CLSTN1: variants seen among roughly 807,000 people sequenced by gnomAD.
CLSTN1 encodes the protein calsyntenin 1, also known as calsyntenin-1.
In CLSTN1, 28 loss-of-function variants were observed where a neutral mutation model predicts 108.3. The observed-to-expected ratio is 0.26, with a 90% CI of 0.19 to 0.35. CLSTN1 has a LOEUF of 0.35. CLSTN1 is among the 10% of genes least tolerant of loss of function. The pLI is 1.00. For synonymous variants in CLSTN1, 524 were observed against 534.9 expected (o/e 0.98, Z 0.28); for missense variants, 1,157 against 1,302.6 (o/e 0.89, Z 1.72).
chr1:9,750,220 T>C (rs1478054634), intron 5 of CLSTN1: 1 of 208,554 alleles, frequency 4.8e-6, no homozygotes, highest in Middle Eastern at 1.9e-3. Context: ...GATTAAAAAA[T>C]AATAATAATT....
Position 9,749,384 on chromosome 1 carries a change from A to C in CLSTN1, c.985+77T>G, listed in dbSNP as rs905008267. On this transcript the variant is annotated intron_variant, in intron 7 of 18. Coordinates refer to ENST00000377298, the MANE Select transcript of CLSTN1 (RefSeq NM_001009566.3). ...GTTTATAATTATGAACACAACACACACAAGTATTTCCAGTTGTAAAGGTCC... is the reference window on the plus strand; with the variant it reads ...GTTTATAATTATGAACACAACACACCCAAGTATTTCCAGTTGTAAAGGTCC... 22 of 1,288,784 alleles carry C rather than the reference A, an allele frequency of 1.7e-5. No homozygotes were observed. In the Admixed American group the frequency reaches 4.2e-4, roughly 25 times the overall value. The allele number at this position is 1,288,784 out of a possible 1,614,324, so 79.8% of individuals were successfully genotyped here.
intron 1 of CLSTN1, among the ~76,000 whole-genome samples, chr1:9,803,986 G>C (rs1654395418): frequency 6.6e-6 from 1 of 152,032 alleles, no homozygotes; most frequent in African/African-American, 2.4e-5. Context: ...ATGGTGAAAG[G>C]ATACACTACC....
At chr1:9,733,296 C>T (rs1163789431) in intron 16 of CLSTN1, 105 bp downstream of exon 16, 2 of 1,391,472 alleles carry the variant, frequency 1.4e-6, no homozygotes, top group African/African-American at 2.8e-5. Context: ...GTATAGCTGC[C>T]ATCATGAATG....
At chr1:9,777,834 G>A (rs1653031476) in intron 1 of CLSTN1, among the ~76,000 whole-genome samples, 1 of 152,086 alleles carries the variant, frequency 6.6e-6, no homozygotes, top group Non-Finnish European at 1.5e-5. Flanking sequence ...GGCAAATAAT[G>A]TCTTAATATT....
At chr1:9,808,823 T>C (rs1654614150) in intron 1 of CLSTN1, among the ~76,000 whole-genome samples, 1 of 152,058 alleles carries the variant, frequency 6.6e-6, no homozygotes, top group African/African-American at 2.4e-5. Flanking sequence ...TGCCCCAGCT[T>C]ACCTGTCTGT....
chr1:9,781,694 C>T (rs1216389081), intron 1 of CLSTN1, among the ~76,000 whole-genome samples: 1 of 152,124 alleles, frequency 6.6e-6, no homozygotes, highest in African/African-American at 2.4e-5. Flanking sequence ...CCGCCCAACT[C>T]GGCCTCCCAA....
At chr1:9,750,002 T>C (rs1178772665) in intron 5 of CLSTN1, 89 bp from the exon 6 acceptor site, 2 of 1,072,046 alleles carry the variant, frequency 1.9e-6, no homozygotes, top group East Asian at 4.8e-5. Flanking sequence ...ATGCATAGGC[T>C]TTAAGCCCTG....
In CLSTN1 at chr1:9,800,788, T is replaced by A. The variant is rs542635684; in HGVS notation, c.91+22855A>T. Among the ~76,000 whole-genome samples the A allele has an allele frequency of 6.7e-5, 10 of 148,542 alleles. No individual in the cohort carries two copies. The East Asian group carries it at 2.0e-3, about 29-fold the overall frequency. ...ATAAGAAAAAAAAATACAAAAAAAATTGGCCAGGAGTGTGGTGGCATGCTC... is the reference window on the plus strand; with the variant it reads ...ATAAGAAAAAAAAATACAAAAAAAAATGGCCAGGAGTGTGGTGGCATGCTC... On this transcript the variant is annotated intron_variant, in intron 1 of 18. Transcript: ENST00000377298.
rs1429082484 is a variant in CLSTN1, at chr1:9,798,064, A to C, written c.92-24670T>G. On this transcript the variant is annotated intron_variant, in intron 1 of 18. Transcript: ENST00000377298. ...AGCCGAGATGGTGCCACTGCACTCCAGCCTGGGCAACAGAGGGAGCGAGAC... is the reference window on the plus strand; with the variant it reads ...AGCCGAGATGGTGCCACTGCACTCCCGCCTGGGCAACAGAGGGAGCGAGAC... Among the ~76,000 whole-genome samples the C allele has an allele frequency of 4.0e-5, 6 of 149,124 alleles. No homozygotes were observed. In the Admixed American group the frequency reaches 4.0e-4, roughly 10 times the overall value.
At chr1:9,792,026 G>C (rs889676121) in intron 1 of CLSTN1, among the ~76,000 whole-genome samples, 5 of 150,686 alleles carry the variant, frequency 3.3e-5, no homozygotes, top group African/African-American at 7.3e-5. Context: ...GCGGGTGCCT[G>C]TAATCCCAGC....
chr1:9,765,064 A>AT (rs200576354), intron 2 of CLSTN1, among the ~76,000 whole-genome samples: 43 of 150,742 alleles, frequency 2.9e-4, no homozygotes, highest in African/African-American at 7.3e-4. Flanking sequence ...GTGAAATGTC[A>AT]TTTTTTTTTC....
rs764413464 is a variant in CLSTN1 at position 9,749,898 on chromosome 1, G to A, written c.665C>T (p.Thr222Ile). 3 of 1,613,818 alleles carry A rather than the reference G, an allele frequency of 1.9e-6. No homozygotes were observed. The highest frequency in any genetic ancestry group is 1.3e-5 in the African/African-American group (1 of 75,028). The change falls in exon 6 of 19, where the codon ACA (threonine) becomes ATA (isoleucine). Residue 222 changes from threonine to isoleucine, a missense_variant. Coordinates refer to ENST00000377298, the MANE Select transcript of CLSTN1 (RefSeq NM_001009566.3). ...TVDKDGYIKN[T>I]EKLNYGKEHQ... is the part of the protein sequence containing the mutation. ...TTCTTTCCCGTAGTTTAATTTCTCTGTGTTTTTTATATAACCTTACAGAGG... is the reference window on the plus strand; with the variant it reads ...TTCTTTCCCGTAGTTTAATTTCTCTATGTTTTTTATATAACCTTACAGAGG...
At position 9,751,515 on chromosome 1, in the gene CLSTN1, C is replaced by T. The variant is rs781009622; in HGVS notation, c.607G>A (p.Glu203Lys). ...AAGGGCACGTCTGGAGTGATGATTT[C>T]GTAGCTGCAAATCTGGCTGAACTGA... ...SPQFSQICSYEIITPDVPFTV... is the reference protein window; with the variant it reads ...SPQFSQICSYKIITPDVPFTV... Residue 203 changes from glutamate (E) to lysine (K), a missense_variant, in exon 5 of 19, where the codon GAA (glutamate) becomes AAA (lysine). Glu to Lys is a moderately conservative substitution (Grantham distance 56). Coordinates refer to ENST00000377298, the MANE Select transcript of CLSTN1 (RefSeq NM_001009566.3). 3.7e-6 allele frequency: 6 copies of T among 1,614,008 alleles called. No homozygotes were observed. The highest frequency in any genetic ancestry group is 1.1e-5 in the South Asian group (1 of 91,076).
chr1:9,785,863 G>T (rs1199783734), intron 1 of CLSTN1, among the ~76,000 whole-genome samples: 1 of 151,308 alleles, frequency 6.6e-6, no homozygotes, highest in Non-Finnish European at 1.5e-5. Context: ...CACCCAGCTT[G>T]AAGTTAATTT....
intron 1 of CLSTN1, among the ~76,000 whole-genome samples, chr1:9,783,890 G>A (rs1653362281): frequency 6.6e-6 from 1 of 152,138 alleles, no homozygotes; most frequent in Non-Finnish European, 1.5e-5. Flanking sequence ...CTACTTGGGA[G>A]GCTGAGACAG....
chr1:9,749,980 C>A, intron 5 of CLSTN1, 67 bp from the exon 6 acceptor site: 1 of 1,380,768 alleles, frequency 7.2e-7, no homozygotes, highest in African/African-American at 1.4e-5. Flanking sequence ...TTGTCCTAGG[C>A]GGAAAGACAA....
intron 2 of CLSTN1, among the ~76,000 whole-genome samples, chr1:9,757,236 A>G (rs1651857865): frequency 6.6e-6 from 1 of 151,094 alleles, no homozygotes; most frequent in Admixed American, 6.6e-5. Context: ...AAAAATTTGG[A>G]GCAAAAGGTT....
intron 2 of CLSTN1, among the ~76,000 whole-genome samples, chr1:9,757,398 C>T (rs1427911002): frequency 4.6e-5 from 7 of 151,446 alleles, no homozygotes; most frequent in South Asian, 4.2e-4. Flanking sequence ...CCCGCCACCA[C>T]GCCCAGTTAA....
chr1:9,777,972 G>T (rs1653038720), intron 1 of CLSTN1, among the ~76,000 whole-genome samples: 1 of 152,050 alleles, frequency 6.6e-6, no homozygotes, highest in Admixed American at 6.6e-5. Context: ...CAACACCTGG[G>T]GAGAAGACGG....
Sources: allele counts gnomAD v4.1 joint callset (sites outside exome capture counted in the v4.1 genomes callset), GRCh38; gene constraint gnomAD v4.1.1; transcripts MANE v1.5; gene names NCBI Gene and HGNC (gene_info 2026-07-23, HGNC 2026-07-21).